The following MYH11 variants were observed in gnomAD, a reference collection of about 807,000 sequenced individuals.
MYH11 encodes the protein myosin heavy chain 11, also known as myosin-11.
In MYH11, 80 loss-of-function variants were observed where a neutral mutation model predicts 246.6. The ratio of observed to expected loss-of-function variants is 0.32; its 90% CI spans 0.27 to 0.39. The LOEUF is 0.39. Among genes scored for constraint, MYH11 ranks in the 10% least tolerant of loss-of-function variants. MYH11 has a pLI of 1.00. For synonymous variants in MYH11, 1,071 were observed against 1,015.5 expected (o/e 1.05, Z -1.04); for missense variants, 2,158 against 2,546.8 (o/e 0.85, Z 3.29).
chr16:15,740,567 C>T (rs1264295053), intron 22 of MYH11, among the ~76,000 whole-genome samples: 1 of 150,692 alleles, frequency 6.6e-6, no homozygotes, highest in Non-Finnish European at 1.5e-5. Context: ...GCTGAGATCG[C>T]ACCATCGCAC....
intron 2 of MYH11, among the ~76,000 whole-genome samples, chr16:15,829,025 A>G (rs2043653963): frequency 6.6e-6 from 1 of 151,920 alleles, no homozygotes; most frequent in African/African-American, 2.4e-5. Context: ...CTTTACTAAA[A>G]ATACAAAAAT....
At chr16:15,835,215 T>C (rs1203593357) in intron 2 of MYH11, among the ~76,000 whole-genome samples, 2 of 152,148 alleles carry the variant, frequency 1.3e-5, no homozygotes, top group East Asian at 1.9e-4. Context: ...ACAGATTCTA[T>C]ACTACCCCTT....
intron 3 of MYH11, among the ~76,000 whole-genome samples, chr16:15,814,553 C>CA (rs58806731): frequency 0.071 from 1,620 of 22,754 alleles, 268 homozygotes; most frequent in Non-Finnish European, 0.14. Flanking sequence ...AACTCCATCT[C>CA]AAAAAAAAAA....
intron 24 of MYH11, 21 bp downstream of exon 24, chr16:15,738,544 A>G (rs1428595780): frequency 2.5e-6 from 4 of 1,595,304 alleles, no homozygotes; most frequent in Non-Finnish European, 3.4e-6. Context: ...ATAAAAATAA[A>G]TCTCTTGGTA....
At chr16:15,845,384 G>A (rs914517347) in intron 1 of MYH11, among the ~76,000 whole-genome samples, 6 of 151,000 alleles carry the variant, frequency 4.0e-5, no homozygotes, top group African/African-American at 1.5e-4. Flanking sequence ...TTTTTCTGGG[G>A]TGGCCCAGGG....
At chr16:15,854,520 T>G (rs1330959180) in intron 1 of MYH11, among the ~76,000 whole-genome samples, 2 of 152,180 alleles carry the variant, frequency 1.3e-5, no homozygotes, top group Non-Finnish European at 2.9e-5. Flanking sequence ...GTATCTACTC[T>G]AAAGGGTTGT....
At chr16:15,756,547 G>C (rs754730695) in intron 13 of MYH11, 33 bp from the exon 14 acceptor site, 248 of 1,612,684 alleles carry the variant, frequency 1.5e-4, no homozygotes, top group Non-Finnish European at 2.1e-4. Flanking sequence ...GAATCAGAGA[G>C]AACACCCAAC....
chr16:15,786,034 G>A (rs151245661), intron 5 of MYH11: 307 of 240,634 alleles, frequency 1.3e-3, no homozygotes, highest in Non-Finnish European at 1.9e-3. Flanking sequence ...CCCACGGGCC[G>A]AGTGATACCA....
chr16:15,751,491 T>C (rs1053604995), intron 15 of MYH11, among the ~76,000 whole-genome samples: 1 of 151,700 alleles, frequency 6.6e-6, no homozygotes, highest in Non-Finnish European at 1.5e-5. Context: ...ATCATCATCA[T>C]CATCACCTCC....
chr16:15,836,190 A>G (rs215585), intron 2 of MYH11, among the ~76,000 whole-genome samples: 124,156 of 151,922 alleles, frequency 0.82, 51,462 homozygotes, highest in African/African-American at 0.95. Context: ...TGACCTCTGC[A>G]CATCAGTCTG....
chr16:15,808,382 A>T (rs2043062479), intron 3 of MYH11, among the ~76,000 whole-genome samples: 4 of 152,206 alleles, frequency 2.6e-5, no homozygotes, highest in African/African-American at 7.2e-5. Flanking sequence ...GGCACAAAGT[A>T]ATAGCCGGGG....
At position 15,719,311 on chromosome 16, in the gene MYH11, AG is replaced by A; in HGVS notation, c.5083-4del. The A allele has an allele frequency of 3.1e-6, 5 of 1,610,178 alleles. No homozygotes were observed. Among genetic ancestry groups the A allele is most frequent in the Non-Finnish European group, 4.2e-6 (5 of 1,179,912 alleles). Reference sequence around the variant, plus strand: ...GCCCTCTCAGCGGCGGCGAGGTCCTAGGTGGGAGGGAGGAAGGCTGTTGTCT... The same window carrying A: ...GCCCTCTCAGCGGCGGCGAGGTCCTAGTGGGAGGGAGGAAGGCTGTTGTCT... On this transcript the variant is annotated splice_region_variant and splice_polypyrimidine_tract_variant and intron_variant, in intron 35 of 40. Coordinates refer to ENST00000300036, the MANE Select transcript of MYH11 (RefSeq NM_002474.3).
At chr16:15,777,907 G>A (rs1456061124) in intron 7 of MYH11, among the ~76,000 whole-genome samples, 1 of 152,136 alleles carries the variant, frequency 6.6e-6, no homozygotes, top group Non-Finnish European at 1.5e-5. Flanking sequence ...GCTTAGACAA[G>A]TACAGTGGAG....
rs2040295603 is a variant in MYH11, at chr16:15,718,550, CTG to C, written c.5172-114_5172-113del. On this transcript the variant is annotated intron_variant, in intron 36 of 40. Transcript: ENST00000300036. ...TGCCCTCATCATCTAATGGGTGAAA[CTG>C]AGGCTTGGAGAAGATTAGAAGACTC... 6 of 1,430,832 alleles carry C rather than the reference CTG, an allele frequency of 4.2e-6. No homozygotes were observed. In the Middle Eastern group the frequency reaches 7.5e-4, roughly 179 times the overall value. 88.6% of individuals were successfully genotyped at this position (1,430,832 alleles called of 1,614,324 possible). A position where few individuals can be genotyped will look rare whatever the true frequency, so the allele number is the denominator to read the frequency against.
At chr16:15,800,399 G>A (rs747337408) in intron 3 of MYH11, among the ~76,000 whole-genome samples, 4 of 151,866 alleles carry the variant, frequency 2.6e-5, no homozygotes, top group East Asian at 1.9e-4. Context: ...TAGATGGATG[G>A]AAAGAAGGAA....
intron 27 of MYH11, 125 bp from the exon 28 acceptor site, chr16:15,727,179 G>T: frequency 1.2e-6 from 1 of 810,988 alleles, no homozygotes. Context: ...ACAATCACCA[G>T]TAAGAGATTT....
At chr16:15,842,762 C>CAAAAAAAAAAAAAAAAAAAAAA (rs757920488) in intron 1 of MYH11, among the ~76,000 whole-genome samples, 1 of 19,674 alleles carries the variant, frequency 5.1e-5, no homozygotes, top group Non-Finnish European at 1.4e-4. Flanking sequence ...AGACTTCATC[C>CAAAAAAAAAAAAAAAAAAAAAA]AAAAAAAAAA....
chr16:15,778,989 G>C (rs368340576), intron 6 of MYH11, 146 bp from the exon 7 acceptor site: 1 of 785,136 alleles, frequency 1.3e-6, no homozygotes. Context: ...CACAGGTCAA[G>C]TTGTCAGGCG....
At chr16:15,726,369 CT>C (rs781567624) in intron 28 of MYH11, 5,753 of 149,364 alleles carry the variant, frequency 0.039, 265 homozygotes, top group African/African-American at 0.12. Flanking sequence ...GGTTTTTTTT[CT>C]TTTTTTTTTT....
Sources: gnomAD v4.1 joint callset for allele counts (sites outside exome capture counted in the v4.1 genomes callset) on GRCh38, gnomAD v4.1.1 for gene constraint, MANE v1.5 for transcripts, NCBI Gene and HGNC (gene_info 2026-07-23, HGNC 2026-07-21) for gene names.